Variants in THADA observed in about 807,000 individuals in gnomAD.
THADA encodes the protein tRNA (32-2'-O)-methyltransferase regulator THADA.
In THADA, 213 loss-of-function variants were observed where a neutral mutation model predicts 219.8. The ratio of observed to expected loss-of-function variants is 0.97; its 90% CI spans 0.87 to 1.09. The LOEUF (loss-of-function observed/expected upper bound fraction) is 1.09. Among genes scored for constraint, THADA ranks in the 50% least tolerant of loss-of-function variants. THADA has a pLI of 0.00. For missense variants in THADA, 2,956 were observed against 2,311.3 expected (o/e 1.28, Z -5.72); for synonymous variants, 1,018 against 828.9 (o/e 1.23, Z -3.92).
chr2:43,583,507 T>C (rs73925553), intron 7 of THADA, among the ~76,000 whole-genome samples: 26,895 of 152,166 alleles, frequency 0.18, 3,236 homozygotes, highest in African/African-American at 0.34. Context: ...AAAAACAACT[T>C]GGTAGTTCCT....
rs115860511 is a variant in THADA, at chr2:43,337,608, C to T, written c.4343+6514G>A. On this transcript the variant is annotated intron_variant, in intron 30 of 37. Transcript: ENST00000405975. Reference sequence around the variant, plus strand: ...TAGAAAACAATCTGGCAGTGTATACCAAGACTTTTTCCATTTCCCCTTGAC... The same window carrying T: ...TAGAAAACAATCTGGCAGTGTATACTAAGACTTTTTCCATTTCCCCTTGAC... 8.2e-3 allele frequency among the ~76,000 whole-genome samples: 1,244 copies of T among 151,924 alleles called. 15 individuals carry two copies. The highest frequency in any genetic ancestry group is 0.029 in the African/African-American group (1,189 of 41,406).
Position 43,505,497 on chromosome 2 carries a change from T to C in THADA, c.3621+125A>G, listed in dbSNP as rs1689549892. On this transcript the variant is annotated intron_variant, in intron 24 of 37. Transcript: ENST00000405975. ...TGAACCTGGGAGGCGAAGGTTGCAG[T>C]GAGCTGAGATCGCGCCACTGTACTC... The C allele has an allele frequency of 5.3e-6, 3 of 568,186 alleles. No individual in the cohort carries two copies. In the Admixed American group the frequency reaches 1.1e-4, roughly 20 times the overall value. 35.2% of individuals were successfully genotyped at this position (568,186 alleles called of 1,614,324 possible).
intron 22 of THADA, among the ~76,000 whole-genome samples, chr2:43,518,914 C>G (rs1225691848): frequency 1.3e-5 from 2 of 152,110 alleles, no homozygotes; most frequent in East Asian, 3.9e-4. Context: ...CTGGACCCCT[C>G]TGCTAATCTC....
At chr2:43,271,566 G>C in intron 36 of THADA, among the ~76,000 whole-genome samples, 1 of 149,102 alleles carries the variant, frequency 6.7e-6, no homozygotes, top group Non-Finnish European at 1.5e-5. Flanking sequence ...CAAGTTCTGA[G>C]AATATAGCAG....
At chr2:43,363,193 C>T (rs1475572461) in intron 29 of THADA, among the ~76,000 whole-genome samples, 1 of 152,188 alleles carries the variant, frequency 6.6e-6, no homozygotes, top group Non-Finnish European at 1.5e-5. Context: ...TAGTCATCTG[C>T]TGTCATTATC....
intron 35 of THADA, among the ~76,000 whole-genome samples, chr2:43,281,120 T>C (rs1049385904): frequency 1.3e-5 from 2 of 152,186 alleles, no homozygotes; most frequent in African/African-American, 4.8e-5. Context: ...AACTCCCCTT[T>C]GTCTATCCTC....
At chr2:43,544,357 G>A (rs907336631) in intron 20 of THADA, among the ~76,000 whole-genome samples, 1 of 152,172 alleles carries the variant, frequency 6.6e-6, no homozygotes, top group African/African-American at 2.4e-5. Context: ...TGGCAATGCG[G>A]GCTCTTTTTT....
rs146214024 is a variant in THADA, at chr2:43,550,572, C to A, written c.2948-1204G>T. ...GAAGAAGCAGCAAAAATGAAGACAA[C>A]CAGAGGTAAAAAGACAGGCAGAATG... On this transcript the variant is annotated intron_variant, in intron 19 of 37. Transcript: ENST00000405975. 3.3e-5 allele frequency among the ~76,000 whole-genome samples: 5 copies of A among 152,106 alleles called. No individual in the cohort carries two copies. In the East Asian group the frequency reaches 9.7e-4, roughly 29 times the overall value.
chr2:43,231,262 G>A lies in THADA; in HGVS notation c.5548C>T (p.His1850Tyr), dbSNP rs756708495. 11 of 1,609,628 alleles carry A rather than the reference G, an allele frequency of 6.8e-6. No homozygotes were observed. Among genetic ancestry groups the A allele is most frequent in the African/African-American group, 1.3e-5 (1 of 74,618 alleles). The stretch of plus-strand genomic sequence containing the variant: ...GACTTTGAGAGGAGACAGAAGAGGT[G>A]CTTGCAGAGGTATTTCACAAAGATC... Reference protein sequence around the residue: ...TLIFVKYLCKHLFCLLSKSGW... With the variant: ...TLIFVKYLCKYLFCLLSKSGW... The change falls in exon 38 of 38, where the codon CAC becomes TAC. Residue 1850 changes from histidine (H) to tyrosine (Y), a missense_variant. His to Tyr is a moderately conservative substitution (Grantham distance 83). Transcript: ENST00000405975.
rs538185375 is a variant in THADA at position 43,311,464 on chromosome 2, C to G, written c.4438+8982G>C. Among the ~76,000 whole-genome samples the G allele has an allele frequency of 3.5e-4, 53 of 152,240 alleles. 1 individual carries two copies. The South Asian group carries it at 0.01, about 29-fold the overall frequency. ...CTTTGGAAACAATTTAGCAATTCTT[C>G]AAAAAGTTAAACTTAGAGTTGGCAT... On this transcript the variant is annotated intron_variant, in intron 31 of 37. Transcript: ENST00000405975.
chr2:43,394,263 C>T (rs1319017454), intron 29 of THADA, among the ~76,000 whole-genome samples: 1 of 152,176 alleles, frequency 6.6e-6, no homozygotes, highest in African/African-American at 2.4e-5. Flanking sequence ...AAATGAATCC[C>T]ACATGTTCTT....
chr2:43,538,088 G>A (rs962150663), intron 21 of THADA, among the ~76,000 whole-genome samples: 20 of 152,258 alleles, frequency 1.3e-4, no homozygotes, highest in African/African-American at 4.8e-4. Flanking sequence ...TTCTTTTTAA[G>A]AATATTAGGG....
intron 36 of THADA, among the ~76,000 whole-genome samples, chr2:43,274,809 A>G (rs1326584620): frequency 5.9e-5 from 9 of 151,910 alleles, no homozygotes; most frequent in Non-Finnish European, 2.9e-5. Flanking sequence ...TTGCCTACCC[A>G]CTATCCCCTT....
chr2:43,517,203 C>G (rs1041637194), intron 22 of THADA, among the ~76,000 whole-genome samples: 6 of 152,054 alleles, frequency 3.9e-5, no homozygotes, highest in African/African-American at 1.4e-4. Context: ...TCGAGGTACC[C>G]CCACTCCCTT....
At chr2:43,350,778 T>G (rs1354214686) in intron 29 of THADA, among the ~76,000 whole-genome samples, 1 of 152,244 alleles carries the variant, frequency 6.6e-6, no homozygotes, top group Non-Finnish European at 1.5e-5. Context: ...TTCATGTGGT[T>G]GCTTCCCTAA....
chr2:43,501,834 C>T (rs1689029343), intron 24 of THADA, among the ~76,000 whole-genome samples: 2 of 152,286 alleles, frequency 1.3e-5, no homozygotes, highest in South Asian at 4.1e-4. Context: ...ATCCCAGCTA[C>T]TCAGGAGGCT....
chr2:43,260,023 G>T (rs866729867), intron 36 of THADA, among the ~76,000 whole-genome samples: 10 of 151,968 alleles, frequency 6.6e-5, no homozygotes, highest in South Asian at 2.1e-4. Flanking sequence ...TCGCTCTGTC[G>T]TCCAGGCTGG....
intron 17 of THADA, among the ~76,000 whole-genome samples, chr2:43,555,493 C>G (rs1456390571): frequency 1.3e-5 from 2 of 151,852 alleles, no homozygotes; most frequent in Non-Finnish European, 2.9e-5. Context: ...GAATTGAAAG[C>G]CTTTATGTGA....
chr2:43,231,462 G>T (rs895700543), intron 37 of THADA, 119 bp from the exon 38 acceptor site: 2 of 1,058,876 alleles, frequency 1.9e-6, no homozygotes, highest in Middle Eastern at 3.0e-4. Context: ...CCTGACAGAG[G>T]GTGCACTCTT....
Sources: allele counts gnomAD v4.1 joint callset (sites outside exome capture counted in the v4.1 genomes callset), GRCh38; gene constraint gnomAD v4.1.1; transcripts MANE v1.5; gene names NCBI Gene and HGNC (gene_info 2026-07-23, HGNC 2026-07-21).